The following LSAMP variants were observed in gnomAD, a reference collection of about 807,000 sequenced individuals.
The protein encoded by LSAMP is limbic system-associated membrane protein.
LSAMP carries 7 observed loss-of-function variants against 38.6 expected under a neutral mutation model. That is an observed-to-expected ratio of 0.18 (90% confidence interval 0.10 to 0.34). The LOEUF (loss-of-function observed/expected upper bound fraction) is 0.34, where lower values mean the gene tolerates loss of function less well. Among genes scored for constraint, LSAMP ranks in the 10% least tolerant of loss-of-function variants. LSAMP has a pLI of 1.00. For synonymous variants in LSAMP, 154 were observed against 166.8 expected, an observed-to-expected ratio of 0.92 and a Z score of 0.59; for missense variants, 313 against 420.0, an observed-to-expected ratio of 0.75 and a Z score of 2.23.
intron 2 of LSAMP, among the ~76,000 whole-genome samples, chr3:116,051,448 A>G (rs796849618): frequency 3.3e-5 from 5 of 152,346 alleles, no homozygotes; most frequent in African/African-American, 1.2e-4. Flanking sequence ...AGGCAGCAGC[A>G]TTCTCTCCTC....
At chr3:115,869,298 G>C (rs953831844) in intron 3 of LSAMP, among the ~76,000 whole-genome samples, 1 of 151,684 alleles carries the variant, frequency 6.6e-6, no homozygotes, top group Non-Finnish European at 1.5e-5. Flanking sequence ...GAGAGAGAGA[G>C]AGAGACTGAC....
chr3:116,373,595 TATC>T (rs1006481953), intron 1 of LSAMP, among the ~76,000 whole-genome samples: 3 of 151,876 alleles, frequency 2.0e-5, no homozygotes, highest in African/African-American at 4.8e-5. Context: ...ATATGCATAT[TATC>T]ATAATTTTTT....
At chr3:116,097,648 C>G (rs1296201038) in intron 1 of LSAMP, among the ~76,000 whole-genome samples, 1 of 152,120 alleles carries the variant, frequency 6.6e-6, no homozygotes, top group Non-Finnish European at 1.5e-5. Context: ...TAGAAAATGG[C>G]TCTACTGTCT....
chr3:115,834,534 G>A (rs1474803847), intron 6 of LSAMP: 1 of 1,280,338 alleles, frequency 7.8e-7, no homozygotes, highest in Admixed American at 2.3e-5. Flanking sequence ...CCCAGGAAGA[G>A]AGCTACAGTG....
intron 1 of LSAMP, among the ~76,000 whole-genome samples, chr3:116,367,349 T>C (rs2048367985): frequency 6.6e-6 from 1 of 152,260 alleles, no homozygotes; most frequent in South Asian, 2.1e-4. Context: ...CAGCAGAATA[T>C]AAATAAATCC....
chr3:116,134,443 T>A (rs1053634278), intron 1 of LSAMP, among the ~76,000 whole-genome samples: 1 of 152,222 alleles, frequency 6.6e-6, no homozygotes, highest in African/African-American at 2.4e-5. Flanking sequence ...TCCAGTGTGT[T>A]TAAAATAAAA....
intron 1 of LSAMP, among the ~76,000 whole-genome samples, chr3:116,302,894 G>C (rs2047432767): frequency 6.6e-6 from 1 of 152,130 alleles, no homozygotes; most frequent in Non-Finnish European, 1.5e-5. Flanking sequence ...GGAAGGACTA[G>C]CCTGTAAGTT....
Position 116,093,168 on chromosome 3 carries a change from A to G in LSAMP, c.156-6612T>C, listed in dbSNP as rs1332130546. Reference sequence around the variant, plus strand: ...CAGTTAGATAAGTGGTCCCAAGTGAAGGCAATCTGTGCCCCTAGATGACAC... The same window carrying G: ...CAGTTAGATAAGTGGTCCCAAGTGAGGGCAATCTGTGCCCCTAGATGACAC... On this transcript the variant is annotated intron_variant, in intron 1 of 6. Transcript: ENST00000490035. 3.3e-5 allele frequency among the ~76,000 whole-genome samples: 5 copies of G among 152,204 alleles called. No individual in the cohort carries two copies. In the East Asian group the frequency reaches 5.8e-4, roughly 18 times the overall value.
intron 2 of LSAMP, among the ~76,000 whole-genome samples, chr3:116,021,815 GT>G (rs571494192): frequency 3.4e-5 from 5 of 148,414 alleles, no homozygotes; most frequent in South Asian, 4.3e-4. Flanking sequence ...CTCTCTCGGT[GT>G]TTTTTTTTTA....
chr3:116,248,588 T>C (rs943099756), intron 1 of LSAMP, among the ~76,000 whole-genome samples: 1 of 151,408 alleles, frequency 6.6e-6, no homozygotes, highest in Non-Finnish European at 1.5e-5. Context: ...ATTTTGCAAA[T>C]GTTAGCTTGA....
chr3:116,035,832 T>G (rs1341925703), intron 2 of LSAMP, among the ~76,000 whole-genome samples: 1 of 152,238 alleles, frequency 6.6e-6, no homozygotes, highest in African/African-American at 2.4e-5. Flanking sequence ...AGGCTGTCAG[T>G]GCTCACCAAG....
rs139511167 is a variant in LSAMP at position 115,897,506 on chromosome 3, C to A, written c.515-44889G>T. Reference sequence around the variant, plus strand: ...GGTAAACCATAGTGTTCTACCTGATCAAGAAGCTGGGGGGAATAACTAATG... The same window carrying A: ...GGTAAACCATAGTGTTCTACCTGATAAAGAAGCTGGGGGGAATAACTAATG... On this transcript the variant is annotated intron_variant, in intron 3 of 6. Transcript: ENST00000490035. Among the ~76,000 whole-genome samples, 13 of 152,038 alleles carry A rather than the reference C, an allele frequency of 8.6e-5. No homozygotes were observed. In the East Asian group the frequency reaches 2.5e-3, roughly 30 times the overall value.
intron 1 of LSAMP, among the ~76,000 whole-genome samples, chr3:116,325,269 T>C (rs2047755046): frequency 6.6e-6 from 1 of 152,014 alleles, no homozygotes; most frequent in Non-Finnish European, 1.5e-5. Context: ...GTCTCCTTAG[T>C]AGCTGGAACT....
At chr3:116,015,183 T>C (rs1207713598) in intron 3 of LSAMP, among the ~76,000 whole-genome samples, 1 of 152,176 alleles carries the variant, frequency 6.6e-6, no homozygotes, top group Non-Finnish European at 1.5e-5. Flanking sequence ...GTTCTCAGCC[T>C]AAAGGGTTAA....
chr3:116,293,064 C>T (rs750908024), intron 1 of LSAMP, among the ~76,000 whole-genome samples: 2 of 152,170 alleles, frequency 1.3e-5, no homozygotes, highest in African/African-American at 2.4e-5. Flanking sequence ...CACCTTCACC[C>T]TATCATATGT....
intron 1 of LSAMP, among the ~76,000 whole-genome samples, chr3:116,429,739 G>T (rs930563233): frequency 6.6e-6 from 1 of 152,116 alleles, no homozygotes; most frequent in African/African-American, 2.4e-5. Context: ...GAGGGTCAAG[G>T]CCTGGGATAA....
chr3:115,903,594 ATCT>A (rs1369625800), intron 3 of LSAMP, among the ~76,000 whole-genome samples: 1 of 152,184 alleles, frequency 6.6e-6, no homozygotes, highest in Non-Finnish European at 1.5e-5. Flanking sequence ...GATGTTTTAT[ATCT>A]TCTTCTCAGA....
At chr3:116,116,532 T>TA (rs386397689) in intron 1 of LSAMP, among the ~76,000 whole-genome samples, 10,916 of 110,710 alleles carry the variant, frequency 0.099, 1,459 homozygotes, top group African/African-American at 0.32. Context: ...CCATCTCTAC[T>TA]AAAAAAAAAA....
intron 1 of LSAMP, among the ~76,000 whole-genome samples, chr3:116,155,071 G>GA (rs1457262757): frequency 6.6e-6 from 1 of 151,800 alleles, no homozygotes; most frequent in Admixed American, 6.6e-5. Flanking sequence ...CAGACCAAGA[G>GA]AAAATCTCAC....
Sources: allele counts gnomAD v4.1 joint callset (sites outside exome capture counted in the v4.1 genomes callset), GRCh38; gene constraint gnomAD v4.1.1; transcripts MANE v1.5; gene names NCBI Gene and HGNC (gene_info 2026-07-23, HGNC 2026-07-21).